CFAP45: variants seen among roughly 807,000 people sequenced by gnomAD.
The protein encoded by CFAP45 is cilia- and flagella-associated protein 45.
A neutral mutation model predicts 75.6 loss-of-function variants in CFAP45; 43 were observed. The observed-to-expected ratio is 0.57, with a 90% CI of 0.45 to 0.73. The LOEUF (loss-of-function observed/expected upper bound fraction) is 0.73. Among genes scored for constraint, CFAP45 ranks in the 30% least tolerant of loss-of-function variants. The pLI, the probability that CFAP45 is intolerant of heterozygous loss-of-function variation, is 0.00. For missense variants in CFAP45, 689 were observed against 701.5 expected, an observed-to-expected ratio of 0.98 and a Z score of 0.20; for synonymous variants, 223 against 244.6, an observed-to-expected ratio of 0.91 and a Z score of 0.82.
At chr1:159,891,315 C>A (rs1342300262) in intron 2 of CFAP45, among the ~76,000 whole-genome samples, 1 of 152,124 alleles carries the variant, frequency 6.6e-6, no homozygotes, top group Admixed American at 6.5e-5. Flanking sequence ...CTCTTACAAT[C>A]TTTGATATTG....
chr1:159,882,050 T>C (rs890313534), intron 7 of CFAP45, among the ~76,000 whole-genome samples: 1 of 152,216 alleles, frequency 6.6e-6, no homozygotes, highest in Non-Finnish European at 1.5e-5. Flanking sequence ...CTCTGCCAGC[T>C]TGGCTCACTG....
At chr1:159,886,463 A>G in intron 6 of CFAP45, 48 bp downstream of exon 6, 3 of 1,506,210 alleles carry the variant, frequency 2.0e-6, no homozygotes, top group Non-Finnish European at 2.8e-6. Context: ...GGACCTAAAG[A>G]TACATGGAAA....
chr1:159,898,972 C>A (rs2101855238), intron 1 of CFAP45, among the ~76,000 whole-genome samples: 1 of 152,332 alleles, frequency 6.6e-6, no homozygotes, highest in Admixed American at 6.5e-5. Context: ...AGCAATGCAG[C>A]CCCTGGGCCT....
chr1:159,876,494 A>G, intron 10 of CFAP45, 62 bp downstream of exon 10: 3 of 1,239,172 alleles, frequency 2.4e-6, no homozygotes, highest in Non-Finnish European at 2.4e-6. Flanking sequence ...CTCTCTATCC[A>G]ATATGGACCA....
chr1:159,890,449 G>T lies in CFAP45; in HGVS notation c.272+31C>A, dbSNP rs778620318. ...ATCCTTAGCAAAAGGATGAGGACTG[G>T]ACATAGAAGGGCAGGGGACGGTGTA... On this transcript the variant is annotated intron_variant, in intron 3 of 11. Coordinates refer to ENST00000368099, the MANE Select transcript of CFAP45 (RefSeq NM_012337.3). 14 of 1,611,786 alleles carry T rather than the reference G, an allele frequency of 8.7e-6. No homozygotes were observed. The Middle Eastern group carries it at 6.7e-4, about 78-fold the overall frequency.
chr1:159,878,782 A>AAAAAAAAAAAAAAAAAAAAAAAAAAAT, intron 8 of CFAP45, among the ~76,000 whole-genome samples: 1 of 141,472 alleles, frequency 7.1e-6, no homozygotes, highest in Non-Finnish European at 1.5e-5. Context: ...AAAAAAAAAA[A>AAAAAAAAAAAAAAAAAAAAAAAAAAAT]CCTTCCTTGC....
intron 3 of CFAP45, among the ~76,000 whole-genome samples, chr1:159,889,202 A>G (rs1404163331): frequency 1.3e-5 from 2 of 151,514 alleles, no homozygotes; most frequent in Admixed American, 6.6e-5. Flanking sequence ...TAGCTATCCA[A>G]CGCATTCAAC....
rs139464711 is a variant in CFAP45 at position 159,880,646 on chromosome 1, T to C, written c.952A>G (p.Ile318Val). The C allele has an allele frequency of 3.2e-4, 522 of 1,614,076 alleles. 7 individuals carry two copies. In the East Asian group the frequency reaches 0.011, roughly 34 times the overall value. ...TTCTGTTTCTGGTTTTCATCATTGA[T>C]GCGCTTAATCTCAGCTTGCATCTTC... ...KLKMQAEIKR[I>V]NDENQKQKAE... Residue 318 changes from isoleucine to valine, a missense_variant, in exon 8 of 12, where the codon ATC becomes GTC. Transcript: ENST00000368099.
chr1:159,899,874 G>T, intron 1 of CFAP45: 1 of 550,660 alleles, frequency 1.8e-6, no homozygotes, highest in Non-Finnish European at 3.3e-6. Context: ...CAACTCCTCC[G>T]CTCAGCGCGC....
intron 10 of CFAP45, among the ~76,000 whole-genome samples, chr1:159,874,563 A>G (rs764363528): frequency 2.0e-5 from 3 of 152,180 alleles, no homozygotes; most frequent in Non-Finnish European, 4.4e-5. Context: ...TATTTAGAAC[A>G]GTTTTCTATT....
chr1:159,886,677 C>T lies in CFAP45; in HGVS notation c.601G>A (p.Ala201Thr). The change falls in exon 6 of 12, where the codon GCT becomes ACT. Residue 201 changes from alanine (A) to threonine (T), a missense_variant. By Grantham distance (58) the Ala-to-Thr change is moderately conservative (BLOSUM62 0). Coordinates refer to ENST00000368099, the MANE Select transcript of CFAP45 (RefSeq NM_012337.3). Reference sequence around the variant, plus strand: ...GCATCCCGGATGGCATGGCACTTAGCATTGAGGATAATCTGGAGAGTGGAG... The same window carrying T: ...GCATCCCGGATGGCATGGCACTTAGTATTGAGGATAATCTGGAGAGTGGAG... ...LKDMSKIILN[A>T]KCHAIRDAQI... The T allele has an allele frequency of 6.2e-7, 1 of 1,613,922 alleles. No individual in the cohort carries two copies. Among genetic ancestry groups the T allele is most frequent in the Non-Finnish European group, 8.5e-7 (1 of 1,179,870 alleles).
At chr1:159,888,280 G>C in intron 4 of CFAP45, 72 bp downstream of exon 4, 1 of 1,492,462 alleles carries the variant, frequency 6.7e-7, no homozygotes, top group Admixed American at 1.8e-5. Flanking sequence ...AGGGTCCCCT[G>C]ATGAGAGTTC....
intron 10 of CFAP45, among the ~76,000 whole-genome samples, chr1:159,874,319 T>A (rs1417688712): frequency 1.3e-5 from 2 of 152,126 alleles, no homozygotes; most frequent in Non-Finnish European, 2.9e-5. Context: ...CTCATTTCCC[T>A]CTAGCTTTCT....
In CFAP45 at chr1:159,880,618, G is replaced by C; in HGVS notation, c.980C>G (p.Ala327Gly). 6.2e-7 allele frequency: 1 copy of C among 1,613,846 alleles called. No homozygotes were observed. Among genetic ancestry groups the C allele is most frequent in the Non-Finnish European group, 8.5e-7 (1 of 1,179,860 alleles). The change falls in exon 8 of 12, where the codon GCA (alanine) becomes GGA (glycine). Residue 327 changes from alanine (A) to glycine (G), a missense_variant. Transcript: ENST00000368099. ...CAGCTTCTCCTGAGCCAGCAGTTCT[G>C]CTTTCTGTTTCTGGTTTTCATCATT... is the stretch of plus-strand genomic sequence containing the variant. ...RINDENQKQK[A>G]ELLAQEKLAD...
At chr1:159,894,372 T>C (rs778742897) in intron 1 of CFAP45, among the ~76,000 whole-genome samples, 5 of 152,222 alleles carry the variant, frequency 3.3e-5, no homozygotes, top group Non-Finnish European at 7.3e-5. Context: ...CTTTTCAGCT[T>C]GTGCTTCAAG....
intron 8 of CFAP45, 63 bp downstream of exon 8, chr1:159,880,491 C>CA (rs1445891470): frequency 6.8e-7 from 1 of 1,478,208 alleles, no homozygotes; most frequent in Non-Finnish European, 9.2e-7. Context: ...AGTTCTCAGG[C>CA]CCTCCTCTCC....
intron 7 of CFAP45, among the ~76,000 whole-genome samples, chr1:159,881,247 C>T (rs1389559341): frequency 6.6e-6 from 1 of 152,196 alleles, no homozygotes; most frequent in Non-Finnish European, 1.5e-5. Flanking sequence ...GAAACTGAGG[C>T]CCAGCATTGA....
intron 1 of CFAP45, among the ~76,000 whole-genome samples, chr1:159,897,188 C>T (rs924477818): frequency 6.6e-6 from 1 of 151,964 alleles, no homozygotes; most frequent in African/African-American, 2.4e-5. Context: ...TGCTTGATCC[C>T]GGGAGGCAGA....
In CFAP45 at chr1:159,872,559, T is replaced by C; in HGVS notation, c.1582A>G (p.Thr528Ala). 6 of 1,613,982 alleles carry C rather than the reference T, an allele frequency of 3.7e-6. No homozygotes were observed. The highest frequency in any genetic ancestry group is 5.1e-6 in the Non-Finnish European group (6 of 1,179,844). Residue 528 changes from threonine (T) to alanine (A), a missense_variant, in exon 12 of 12, where the codon ACT becomes GCT. Transcript: ENST00000368099. The stretch of plus-strand genomic sequence containing the variant: ...ATGCAGTACTTCTCGGGAAGGCCAG[T>C]GGCTCTGCCGGGGAAACGCAGGCAG... ...KRKKLEELRA[T>A]GLPEKYCIEA... is the part of the protein sequence containing the mutation.
Sources: allele counts gnomAD v4.1 joint callset (sites outside exome capture counted in the v4.1 genomes callset), GRCh38; gene constraint gnomAD v4.1.1; transcripts MANE v1.5; gene names NCBI Gene and HGNC (gene_info 2026-07-23, HGNC 2026-07-21).